KCNIP4: variants seen among roughly 807,000 people sequenced by gnomAD.
KCNIP4 encodes potassium voltage-gated channel interacting protein 4.
A neutral mutation model predicts 34.0 loss-of-function variants in KCNIP4; 12 were observed. That is an observed-to-expected ratio of 0.35 (90% confidence interval 0.23 to 0.57). KCNIP4 has a LOEUF of 0.57. Among genes scored for constraint, KCNIP4 ranks in the 20% least tolerant of loss-of-function variants. The pLI, the probability that KCNIP4 is intolerant of heterozygous loss-of-function variation, is 0.83. For missense variants in KCNIP4, 238 were observed against 311.7 expected (o/e 0.76, Z 1.78); for synonymous variants, 124 against 102.2 (o/e 1.21, Z -1.29).
At chr4:21,786,875 C>A (rs1222379324) in intron 1 of KCNIP4, among the ~76,000 whole-genome samples, 1 of 151,922 alleles carries the variant, frequency 6.6e-6, no homozygotes, top group Non-Finnish European at 1.5e-5. Flanking sequence ...GAGAGTAACT[C>A]TTTTAGCCTC....
intron 1 of KCNIP4, among the ~76,000 whole-genome samples, chr4:21,639,470 C>A (rs1038057064): frequency 6.6e-6 from 1 of 152,126 alleles, no homozygotes; most frequent in African/African-American, 2.4e-5. Context: ...TTAATTATTT[C>A]TCCATCAAAT....
At chr4:21,545,876 T>C (rs976336432) in intron 1 of KCNIP4, among the ~76,000 whole-genome samples, 2 of 152,148 alleles carry the variant, frequency 1.3e-5, no homozygotes, top group Non-Finnish European at 2.9e-5. Context: ...TAGAATGATT[T>C]ATAATCTCTA....
At chr4:21,258,187 T>C (rs978043103) in intron 1 of KCNIP4, among the ~76,000 whole-genome samples, 4 of 152,126 alleles carry the variant, frequency 2.6e-5, no homozygotes, top group Non-Finnish European at 4.4e-5. Context: ...TACAAATATA[T>C]GTAGGCAAAA....
chr4:21,342,991 A>G (rs1421407416), intron 1 of KCNIP4, among the ~76,000 whole-genome samples: 2 of 152,074 alleles, frequency 1.3e-5, no homozygotes, highest in Admixed American at 6.6e-5. Flanking sequence ...CTGAGCCTTG[A>G]GTTCTCCTTC....
At chr4:21,081,729 G>A (rs546387203) in intron 1 of KCNIP4, among the ~76,000 whole-genome samples, 1 of 151,854 alleles carries the variant, frequency 6.6e-6, no homozygotes, top group East Asian at 1.9e-4. Flanking sequence ...TGCATTATAT[G>A]CCAAATTAAT....
chr4:20,877,413 C>T (rs536444653), intron 2 of KCNIP4, among the ~76,000 whole-genome samples: 2 of 152,098 alleles, frequency 1.3e-5, no homozygotes, highest in South Asian at 4.1e-4. Flanking sequence ...GCCTTTTTTT[C>T]CTTCCTGGAC....
chr4:20,911,962 C>T (rs1450643795), intron 1 of KCNIP4, among the ~76,000 whole-genome samples: 2 of 152,142 alleles, frequency 1.3e-5, no homozygotes, highest in Non-Finnish European at 2.9e-5. Context: ...ACTTTTTAAT[C>T]CAGCTCACAG....
chr4:21,865,786 A>G (rs553097677), intron 1 of KCNIP4, among the ~76,000 whole-genome samples: 157 of 151,770 alleles, frequency 1.0e-3, no homozygotes, highest in African/African-American at 3.6e-3. Flanking sequence ...CAGGTGATCT[A>G]CCTGCCTTGG....
chr4:21,106,057 C>G (rs886691218), intron 1 of KCNIP4, among the ~76,000 whole-genome samples: 2 of 151,494 alleles, frequency 1.3e-5, no homozygotes, highest in Non-Finnish European at 2.9e-5. Context: ...CTAAAATTCT[C>G]TTTTTTGGTT....
chr4:20,954,150 CA>C (rs1460763827), intron 1 of KCNIP4, among the ~76,000 whole-genome samples: 6 of 152,112 alleles, frequency 3.9e-5, no homozygotes, highest in Non-Finnish European at 7.3e-5. Flanking sequence ...AGCTCATGAT[CA>C]AAAATGATGG....
At chr4:21,927,678 C>T (rs1913330) in intron 1 of KCNIP4, among the ~76,000 whole-genome samples, 97,078 of 151,964 alleles carry the variant, frequency 0.64, 31,497 homozygotes, top group East Asian at 0.9. Flanking sequence ...TACTTTTTTA[C>T]TTTCATGTGT....
chr4:21,079,675 T>C (rs1745828677), intron 1 of KCNIP4, among the ~76,000 whole-genome samples: 1 of 151,836 alleles, frequency 6.6e-6, no homozygotes, highest in Non-Finnish European at 1.5e-5. Context: ...AGGCTGTAAA[T>C]GGAATTAAGG....
At chr4:21,460,508 A>T (rs956668699) in intron 1 of KCNIP4, among the ~76,000 whole-genome samples, 3 of 152,070 alleles carry the variant, frequency 2.0e-5, no homozygotes, top group African/African-American at 7.2e-5. Context: ...AGATCATGAT[A>T]TGGACTGATT....
At chr4:21,344,226 A>G (rs1440624290) in intron 1 of KCNIP4, among the ~76,000 whole-genome samples, 1 of 152,132 alleles carries the variant, frequency 6.6e-6, no homozygotes, top group Non-Finnish European at 1.5e-5. Context: ...TGGGTGAAGG[A>G]CTTTATTGGA....
chr4:21,191,537 A>T (rs952043289), intron 1 of KCNIP4, among the ~76,000 whole-genome samples: 1 of 152,290 alleles, frequency 6.6e-6, no homozygotes, highest in South Asian at 2.1e-4. Flanking sequence ...CTAGTGCTGA[A>T]AGATGGTGGT....
At chr4:21,131,827 G>A (rs1751095310) in intron 1 of KCNIP4, among the ~76,000 whole-genome samples, 1 of 152,096 alleles carries the variant, frequency 6.6e-6, no homozygotes, top group African/African-American at 2.4e-5. Flanking sequence ...TAATACTTTG[G>A]TATAAACAAT....
At chr4:21,831,548 T>A (rs1351603554) in intron 1 of KCNIP4, among the ~76,000 whole-genome samples, 1 of 146,696 alleles carries the variant, frequency 6.8e-6, no homozygotes, top group African/African-American at 2.5e-5. Context: ...ATTGAACAAC[T>A]AAGAAGAAAC....
intron 6 of KCNIP4, 74 bp downstream of exon 6, chr4:20,734,554 A>G (rs1325696978): frequency 2.8e-6 from 2 of 716,544 alleles, no homozygotes; most frequent in Non-Finnish European, 4.4e-6. Flanking sequence ...CAAATTAATA[A>G]TTGCAATTAA....
intron 1 of KCNIP4, among the ~76,000 whole-genome samples, chr4:21,377,438 T>C (rs1236574692): frequency 2.0e-5 from 3 of 152,230 alleles, no homozygotes; most frequent in African/African-American, 7.2e-5. Context: ...AGACACTCCT[T>C]GCTTTCTAGC....
Sources: gnomAD v4.1 joint callset for allele counts (sites outside exome capture counted in the v4.1 genomes callset) on GRCh38, gnomAD v4.1.1 for gene constraint, MANE v1.5 for transcripts, NCBI Gene and HGNC (gene_info 2026-07-23, HGNC 2026-07-21) for gene names.